Variants in SPATS2L observed in about 807,000 individuals in gnomAD.
SPATS2L encodes the protein SPATS2-like protein.
Under a neutral mutation model 59.6 loss-of-function variants are expected in SPATS2L, and 30 were observed. The observed-to-expected ratio is 0.50, with a 90% CI of 0.38 to 0.68. SPATS2L has a LOEUF of 0.68. Ranked by LOEUF, SPATS2L falls within the 30% of genes least tolerant of loss-of-function variation. SPATS2L has a pLI of 0.00. For missense variants in SPATS2L, 615 were observed against 700.0 expected (o/e 0.88, Z 1.37); for synonymous variants, 252 against 263.5 (o/e 0.96, Z 0.42).
chr2:200,327,246 A>T (rs2079780537), intron 1 of SPATS2L, among the ~76,000 whole-genome samples: 1 of 151,928 alleles, frequency 6.6e-6, no homozygotes, highest in Non-Finnish European at 1.5e-5. Flanking sequence ...TCTATTAAAA[A>T]TACCAAAATT....
intron 2 of SPATS2L, among the ~76,000 whole-genome samples, chr2:200,365,763 C>T (rs1226406227): frequency 1.3e-5 from 2 of 152,164 alleles, no homozygotes; most frequent in African/African-American, 2.4e-5. Context: ...CCTCATCTCA[C>T]CCCCAACTCA....
chr2:200,478,208 A>C lies in SPATS2L; in HGVS notation c.*177A>C. 1 of 577,068 alleles carries C rather than the reference A, an allele frequency of 1.7e-6. No homozygotes were observed. The highest frequency in any genetic ancestry group is 2.7e-6 in the Non-Finnish European group (1 of 371,336). 35.7% of individuals were successfully genotyped at this position (577,068 alleles called of 1,614,324 possible). Reference sequence around the variant, plus strand: ...AGCTCTAGCTTGCTTCATAATTTTCATGGCTTTGCTTGATCTGTTGATGCT... The same window carrying C: ...AGCTCTAGCTTGCTTCATAATTTTCCTGGCTTTGCTTGATCTGTTGATGCT... On this transcript the variant is annotated 3_prime_UTR_variant, in exon 13 of 13. Coordinates refer to ENST00000409140, the MANE Select transcript of SPATS2L (RefSeq NM_001100423.2).
chr2:200,444,220 GCT>G (rs1162850500), intron 8 of SPATS2L, among the ~76,000 whole-genome samples: 1 of 152,164 alleles, frequency 6.6e-6, no homozygotes, highest in African/African-American at 2.4e-5. Context: ...AGATTTAATT[GCT>G]TTATATGCAG....
chr2:200,378,288 C>G, intron 2 of SPATS2L: 1 of 1,002,502 alleles, frequency 1.0e-6, no homozygotes, highest in African/African-American at 1.7e-5. Flanking sequence ...AGTGGGGGAA[C>G]AGAGCTTATG....
chr2:200,422,552 A>AAGG (rs1553528996), intron 6 of SPATS2L, among the ~76,000 whole-genome samples: 1 of 139,634 alleles, frequency 7.2e-6, no homozygotes, highest in Non-Finnish European at 1.6e-5. Context: ...AAAAAAAAAA[A>AAGG]GGGGGAGGAA....
chr2:200,306,080 A>C (rs898889175), upstream of SPATS2L: 79 of 985,586 alleles, frequency 8.0e-5, no homozygotes, highest in African/African-American at 1.2e-4. Flanking sequence ...AGCGCAGAGG[A>C]GGCGGCGGAA....
intron 1 of SPATS2L, chr2:200,309,122 G>A (rs2079117429): frequency 2.8e-6 from 2 of 717,618 alleles, no homozygotes; most frequent in East Asian, 2.7e-5. Context: ...CAGAAGTTAA[G>A]CTTTAGAAAT....
intron 2 of SPATS2L, among the ~76,000 whole-genome samples, chr2:200,360,620 G>A (rs1307645358): frequency 2.0e-5 from 3 of 152,170 alleles, no homozygotes; most frequent in African/African-American, 4.8e-5. Context: ...GAGATAAGCC[G>A]CTCCTCCTTG....
chr2:200,408,210 C>T (rs1055785636), intron 3 of SPATS2L, among the ~76,000 whole-genome samples: 1 of 152,114 alleles, frequency 6.6e-6, no homozygotes, highest in Non-Finnish European at 1.5e-5. Context: ...AAAGCCCGGC[C>T]TGGGGGTGGG....
In SPATS2L at chr2:200,480,924, A is replaced by C. The variant is rs1199644974; in HGVS notation, c.*2893A>C. On this transcript the variant is annotated 3_prime_UTR_variant, in exon 13 of 13. Transcript: ENST00000409140. ...AGATTATTCTCTTAAACATTTGCCT[A>C]GTAGAGGTTAAAATAGTTTAATCCT... 6.6e-6 allele frequency: 1 copy of C among 152,224 alleles called. No individual in the cohort carries two copies. The highest frequency in any genetic ancestry group is 2.4e-5 in the African/African-American group (1 of 41,454). The allele number at this position is 152,224 out of a possible 1,614,324, so 9.4% of individuals were successfully genotyped here.
rs1224937961 is a variant in SPATS2L, at chr2:200,416,308, A to G, written c.149-71A>G. ...AAAAAAAAGCTGCTACCAAGATGGA[A>G]AGACAGAGATGAATTTTGTGTGGTG... On this transcript the variant is annotated intron_variant, in intron 4 of 12. Transcript: ENST00000409140. 8.8e-6 allele frequency: 7 copies of G among 793,272 alleles called. No homozygotes were observed. The African/African-American group carries it at 1.3e-4, about 14-fold the overall frequency. 49.1% of individuals were successfully genotyped at this position (793,272 alleles called of 1,614,324 possible).
At chr2:200,310,739 C>T (rs2079167348) in intron 1 of SPATS2L, among the ~76,000 whole-genome samples, 1 of 152,194 alleles carries the variant, frequency 6.6e-6, no homozygotes, top group Non-Finnish European at 1.5e-5. Context: ...CCAACATGAA[C>T]CTTCTGTTCC....
chr2:200,472,838 A>G lies in SPATS2L; in HGVS notation c.1067A>G (p.His356Arg). ...GAGCACTTTATTATTGCAGTTACAC[A>G]TCCAAAGAACAACTATTCCTCAAGA... ...AQIMLCGEITHPKNNYSSRTP... is the reference protein window; with the variant it reads ...AQIMLCGEITRPKNNYSSRTP... The change falls in exon 12 of 13, where the codon CAT becomes CGT. Residue 356 changes from histidine to arginine, a missense_variant. His to Arg is a conservative substitution (Grantham distance 29, BLOSUM62 0). This residue lies in a region of SPATS2L where 284 missense variants were observed against 280.1 expected (regional missense o/e 1.01). Coordinates refer to ENST00000409140, the MANE Select transcript of SPATS2L (RefSeq NM_001100423.2). 4 of 1,613,926 alleles carry G rather than the reference A, an allele frequency of 2.5e-6. No individual in the cohort carries two copies. The highest frequency in any genetic ancestry group is 2.5e-6 in the Non-Finnish European group (3 of 1,179,844).
chr2:200,400,531 A>G (rs1375730083), intron 3 of SPATS2L, among the ~76,000 whole-genome samples: 2 of 152,244 alleles, frequency 1.3e-5, no homozygotes, highest in Non-Finnish European at 2.9e-5. Flanking sequence ...TCCCAGTGTC[A>G]GATTAAAAAT....
intron 9 of SPATS2L, among the ~76,000 whole-genome samples, chr2:200,461,645 G>C (rs1411424344): frequency 1.3e-5 from 2 of 152,182 alleles, no homozygotes; most frequent in Admixed American, 1.3e-4. Flanking sequence ...TTTACCCAAA[G>C]ATGAATTGGA....
intron 1 of SPATS2L, among the ~76,000 whole-genome samples, chr2:200,307,400 G>T (rs961760681): frequency 2.6e-5 from 4 of 151,894 alleles, no homozygotes; most frequent in African/African-American, 7.2e-5. Flanking sequence ...CGACCACCCC[G>T]CCCTCGGATC....
At position 200,371,340 on chromosome 2, in the gene SPATS2L, A is replaced by G. The variant is rs558888992; in HGVS notation, c.-22-17883A>G. 3.3e-5 allele frequency among the ~76,000 whole-genome samples: 5 copies of G among 152,328 alleles called. No homozygotes were observed. In the South Asian group the frequency reaches 1.0e-3, roughly 32 times the overall value. ...ATAGAGGAAAGCATACGTAAGATGA[A>G]TCTGAGAATTTTGGAAGAGTGACCA... On this transcript the variant is annotated intron_variant, in intron 2 of 12. Coordinates refer to ENST00000409140, the MANE Select transcript of SPATS2L (RefSeq NM_001100423.2).
At chr2:200,416,321 A>G in intron 4 of SPATS2L, 58 bp from the exon 5 acceptor site, 1 of 924,312 alleles carries the variant, frequency 1.1e-6, no homozygotes, top group Non-Finnish European at 1.5e-6. Context: ...ACAGAGATGA[A>G]TTTTGTGTGG....
chr2:200,417,271 C>T (rs1002812658), intron 5 of SPATS2L, among the ~76,000 whole-genome samples: 1 of 152,112 alleles, frequency 6.6e-6, no homozygotes, highest in African/African-American at 2.4e-5. Context: ...TTTCATAAAA[C>T]CCGAAGATTA....
Sources: gnomAD v4.1 joint callset for allele counts (sites outside exome capture counted in the v4.1 genomes callset) on GRCh38, gnomAD v4.1.1 for gene constraint, gnomAD v4.1.1 regional missense constraint, MANE v1.5 for transcripts, NCBI Gene and HGNC (gene_info 2026-07-23, HGNC 2026-07-21) for gene names.